ZNF365: variants seen among roughly 807,000 people sequenced by gnomAD.
ZNF365 encodes the protein zinc finger protein 365, also known as protein ZNF365.
A neutral mutation model predicts 35.0 loss-of-function variants in ZNF365; 22 were observed. The observed-to-expected ratio is 0.63, with a 90% CI of 0.45 to 0.90. The LOEUF (loss-of-function observed/expected upper bound fraction) is 0.90, where lower values mean the gene tolerates loss of function less well. Among genes scored for constraint, ZNF365 ranks in the 40% least tolerant of loss-of-function variants. The pLI, the probability that ZNF365 is intolerant of heterozygous loss-of-function variation, is 0.00. For missense variants in ZNF365, 448 were observed against 500.3 expected (o/e 0.90, Z 1.00); for synonymous variants, 188 against 196.2 (o/e 0.96, Z 0.35).
rs1839831356 is a variant in ZNF365 at position 62,401,653 on chromosome 10, T to C, written c.*1864T>C. On this transcript the variant is annotated 3_prime_UTR_variant, in exon 5 of 5. Transcript: ENST00000395254. ...TAAAGTTATTTATTATTGATGCTTA[T>C]ACCATGATTGCACCTTAGCCTTTTA... 1.0e-6 allele frequency: 1 copy of C among 985,308 alleles called. No homozygotes were observed. Among genetic ancestry groups the C allele is most frequent in the African/African-American group, 1.7e-5 (1 of 57,248 alleles). The allele number at this position is 985,308 out of a possible 1,614,324, so 61.0% of individuals were successfully genotyped here.
At chr10:62,390,084 G>A (rs904094657) in intron 3 of ZNF365, among the ~76,000 whole-genome samples, 2 of 152,052 alleles carry the variant, frequency 1.3e-5, no homozygotes, top group African/African-American at 4.8e-5. Context: ...TGAGGTTATG[G>A]TGCCCAGATG....
At chr10:62,405,207 G>T (rs535227251), downstream of ZNF365, among the ~76,000 whole-genome samples, 1 of 152,304 alleles carries the variant, frequency 6.6e-6, no homozygotes, top group South Asian at 2.1e-4. Flanking sequence ...TCCAGCACTG[G>T]AAGATAAATT....
At chr10:62,397,163 C>A (rs1475722844) in intron 3 of ZNF365, among the ~76,000 whole-genome samples, 1 of 152,248 alleles carries the variant, frequency 6.6e-6, no homozygotes, top group Non-Finnish European at 1.5e-5. Context: ...CTTTACTAAT[C>A]TGAAGCCAAA....
At chr10:62,441,397 T>C (rs1273652477) in intron 3 of ZNF365, among the ~76,000 whole-genome samples, 1 of 152,194 alleles carries the variant, frequency 6.6e-6, no homozygotes, top group Non-Finnish European at 1.5e-5. Flanking sequence ...AATCCTAGAA[T>C]GCTAGAGAAA....
At chr10:62,414,590 A>G (rs1840043282) in intron 3 of ZNF365, among the ~76,000 whole-genome samples, 1 of 152,012 alleles carries the variant, frequency 6.6e-6, no homozygotes, top group Non-Finnish European at 1.5e-5. Context: ...TCATCCAGGT[A>G]ATGCATCTTC....
chr10:62,452,088 T>G (rs372550519), intron 3 of ZNF365, among the ~76,000 whole-genome samples: 2 of 152,342 alleles, frequency 1.3e-5, no homozygotes, highest in African/African-American at 4.8e-5. Context: ...ATCTAGGAGT[T>G]TAACTTAGAT....
chr10:62,472,863 G>A (rs1376533115), intron 4 of ZNF365, among the ~76,000 whole-genome samples: 1 of 152,068 alleles, frequency 6.6e-6, no homozygotes, highest in East Asian at 1.9e-4. Context: ...ATATGGATAT[G>A]GGGAAAATTC....
At chr10:62,420,979 T>G (rs1386614974) in intron 3 of ZNF365, among the ~76,000 whole-genome samples, 2 of 151,586 alleles carry the variant, frequency 1.3e-5, no homozygotes, top group Non-Finnish European at 2.9e-5. Flanking sequence ...GATGGTTTTT[T>G]TTTTTTTTTA....
intron 3 of ZNF365, among the ~76,000 whole-genome samples, chr10:62,431,653 CA>C (rs1291271112): frequency 2.0e-5 from 3 of 152,086 alleles, no homozygotes; most frequent in Admixed American, 6.6e-5. Flanking sequence ...AGCCTCTAGG[CA>C]AAAGGGTTTG....
At chr10:62,422,913 C>T (rs1840196347) in intron 3 of ZNF365, among the ~76,000 whole-genome samples, 1 of 152,146 alleles carries the variant, frequency 6.6e-6, no homozygotes, top group Non-Finnish European at 1.5e-5. Context: ...CCTACTTTTG[C>T]TGTCTTGCCA....
intron 3 of ZNF365, among the ~76,000 whole-genome samples, chr10:62,418,541 T>A (rs557696583): frequency 6.6e-6 from 1 of 152,022 alleles, no homozygotes; most frequent in African/African-American, 2.4e-5. Context: ...TGTTATAGCT[T>A]TAGGGAAATT....
In ZNF365 at chr10:62,401,033, T is replaced by C; in HGVS notation, c.*1244T>C. 1 of 985,574 alleles carries C rather than the reference T, an allele frequency of 1.0e-6. No homozygotes were observed. Among genetic ancestry groups the C allele is most frequent in the Non-Finnish European group, 1.2e-6 (1 of 829,934 alleles). 61.1% of individuals were successfully genotyped at this position (985,574 alleles called of 1,614,324 possible). ...CCTCAAGAATGAATTTCCATGTTAT[T>C]TTTTCCTTAAATTTAGCAATATCAT... is the stretch of plus-strand genomic sequence containing the variant. On this transcript the variant is annotated 3_prime_UTR_variant, in exon 5 of 5. Transcript: ENST00000395254.
chr10:62,447,872 G>C (rs1840616022), intron 3 of ZNF365, among the ~76,000 whole-genome samples: 1 of 152,132 alleles, frequency 6.6e-6, no homozygotes, highest in South Asian at 2.1e-4. Context: ...CCCTCACATT[G>C]GTTCAGCACT....
intron 4 of ZNF365, among the ~76,000 whole-genome samples, chr10:62,462,293 C>A (rs560350394): frequency 1.3e-5 from 2 of 152,246 alleles, no homozygotes; most frequent in African/African-American, 4.8e-5. Context: ...GGTACTCAGA[C>A]TTGTTCTTCC....
chr10:62,447,470 G>C (rs555754788), intron 3 of ZNF365, among the ~76,000 whole-genome samples: 1 of 152,070 alleles, frequency 6.6e-6, no homozygotes, highest in Non-Finnish European at 1.5e-5. Context: ...TCACACTCTG[G>C]CATATTCTGT....
intron 4 of ZNF365, among the ~76,000 whole-genome samples, chr10:62,464,249 A>G (rs1840895742): frequency 6.6e-6 from 1 of 152,182 alleles, no homozygotes; most frequent in Admixed American, 6.5e-5. Flanking sequence ...AGCTCATTGT[A>G]AATATGATTT....
chr10:62,422,792 G>T (rs752877615), intron 3 of ZNF365, among the ~76,000 whole-genome samples: 2 of 152,156 alleles, frequency 1.3e-5, no homozygotes, highest in East Asian at 3.9e-4. Flanking sequence ...TTGGGTGTTC[G>T]TAGAGTACTC....
chr10:62,465,050 C>G (rs1840916034), intron 4 of ZNF365, among the ~76,000 whole-genome samples: 1 of 152,210 alleles, frequency 6.6e-6, no homozygotes, highest in Non-Finnish European at 1.5e-5. Flanking sequence ...GCTACAGCTC[C>G]AGATCCAAGC....
intron 3 of ZNF365, among the ~76,000 whole-genome samples, chr10:62,429,591 G>T (rs541922980): frequency 6.6e-6 from 1 of 152,230 alleles, no homozygotes; most frequent in East Asian, 1.9e-4. Context: ...TTGCTGTAGG[G>T]GATGGATATC....
Sources: gnomAD v4.1 joint callset for allele counts (sites outside exome capture counted in the v4.1 genomes callset) on GRCh38, gnomAD v4.1.1 for gene constraint, MANE v1.5 for transcripts, NCBI Gene and HGNC (gene_info 2026-07-23, HGNC 2026-07-21) for gene names.